The following TEX2 variants were observed in gnomAD, a reference collection of about 807,000 sequenced individuals.
TEX2 encodes the protein testis expressed 2, also known as testis-expressed protein 2.
A neutral mutation model predicts 106.9 loss-of-function variants in TEX2; 53 were observed. The observed-to-expected ratio is 0.50, with a 90% CI of 0.40 to 0.62. The LOEUF is 0.62. Among genes scored for constraint, TEX2 ranks in the 20% least tolerant of loss-of-function variants. The probability of loss-of-function intolerance (pLI) is 0.00; values close to 1 mark genes in which losing one functional copy is unlikely to be tolerated. For missense variants in TEX2, 1,207 were observed against 1,379.0 expected, an observed-to-expected ratio of 0.88 and a Z score of 1.98; for synonymous variants, 523 against 534.8, an observed-to-expected ratio of 0.98 and a Z score of 0.30.
At chr17:64,228,036 T>G (rs2033554539) in intron 1 of TEX2, among the ~76,000 whole-genome samples, 1 of 152,228 alleles carries the variant, frequency 6.6e-6, no homozygotes, top group African/African-American at 2.4e-5. Context: ...CTGCACATGA[T>G]GCTATAGATA....
intron 1 of TEX2, among the ~76,000 whole-genome samples, chr17:64,238,044 G>C (rs1343923246): frequency 6.6e-6 from 1 of 152,214 alleles, no homozygotes; most frequent in Non-Finnish European, 1.5e-5. Context: ...GTTCATGCCT[G>C]TAATCCTGAG....
At chr17:64,239,938 C>T (rs1281975783) in intron 1 of TEX2, among the ~76,000 whole-genome samples, 1 of 135,372 alleles carries the variant, frequency 7.4e-6, no homozygotes, top group Admixed American at 7.6e-5. Context: ...ATAATGTTAT[C>T]TGGTAAGTTC....
chr17:64,240,382 C>T (rs1367029717), intron 1 of TEX2, among the ~76,000 whole-genome samples: 5 of 152,106 alleles, frequency 3.3e-5, no homozygotes, highest in Non-Finnish European at 7.3e-5. Context: ...GGCTCAGACA[C>T]TGGGCAAGGT....
intron 2 of TEX2, among the ~76,000 whole-genome samples, chr17:64,209,259 T>C (rs1268541017): frequency 6.6e-6 from 1 of 152,240 alleles, no homozygotes; most frequent in East Asian, 1.9e-4. Flanking sequence ...TCAGTAAAAT[T>C]AACTAAGTCC....
At position 64,225,115 on chromosome 17, in the gene TEX2, A is replaced by C. The variant is rs542606187; in HGVS notation, c.-25-10873T>G. ...GGAATAACTTTTTTTTTTTTAAAGC[A>C]GAAAAGTCATCTATGTGTCTTAGAA... On this transcript the variant is annotated intron_variant, in intron 1 of 11. Transcript: ENST00000584379. Among the ~76,000 whole-genome samples, 17 of 152,088 alleles carry C rather than the reference A, an allele frequency of 1.1e-4. No homozygotes were observed. The East Asian group carries it at 3.3e-3, about 29-fold the overall frequency.
In TEX2 at chr17:64,148,944, T is replaced by C. The variant is rs762094685; in HGVS notation, c.*25A>G. 10 of 1,613,662 alleles carry C rather than the reference T, an allele frequency of 6.2e-6. No homozygotes were observed. The highest frequency in any genetic ancestry group is 1.7e-4 in the Middle Eastern group (1 of 5,968). On this transcript the variant is annotated 3_prime_UTR_variant, in exon 12 of 12. Transcript: ENST00000584379. ...CCACACATCCAGCTCGATGTCACAA[T>C]ATGGGGAACATCTGACATCACCCAT...
chr17:64,231,173 C>T (rs1555634568), intron 1 of TEX2, among the ~76,000 whole-genome samples: 1 of 152,228 alleles, frequency 6.6e-6, no homozygotes, highest in African/African-American at 2.4e-5. Context: ...CTATCTTTCC[C>T]CCACCTACTG....
chr17:64,171,565 T>C (rs1598136052), intron 6 of TEX2, among the ~76,000 whole-genome samples: 1 of 151,038 alleles, frequency 6.6e-6, no homozygotes, highest in Admixed American at 6.6e-5. Context: ...CCCTGAGGAG[T>C]GGCATTTGAG....
chr17:64,171,278 G>A (rs941208716), intron 6 of TEX2, 79 bp from the exon 7 acceptor site: 5 of 1,249,058 alleles, frequency 4.0e-6, no homozygotes, highest in Non-Finnish European at 3.5e-6. Flanking sequence ...CATGCTTCCG[G>A]AGAGGATGGT....
chr17:64,165,029 C>T (rs1371366980), intron 7 of TEX2, among the ~76,000 whole-genome samples: 2 of 152,202 alleles, frequency 1.3e-5, no homozygotes, highest in Non-Finnish European at 2.9e-5. Context: ...TGAACTTGGT[C>T]CTCACGTTAT....
intron 1 of TEX2, among the ~76,000 whole-genome samples, chr17:64,258,228 A>G (rs2034221895): frequency 6.6e-6 from 1 of 152,158 alleles, no homozygotes; most frequent in Non-Finnish European, 1.5e-5. Flanking sequence ...TTCTATTTTT[A>G]TTAGTTATAT....
intron 6 of TEX2, 45 bp downstream of exon 6, chr17:64,177,280 G>A: frequency 1.2e-6 from 2 of 1,603,036 alleles, no homozygotes; most frequent in Non-Finnish European, 1.7e-6. Context: ...TTCCAGAAAT[G>A]AAGAAGTATA....
intron 5 of TEX2, among the ~76,000 whole-genome samples, chr17:64,184,240 C>T (rs1172321824): frequency 6.6e-6 from 1 of 152,000 alleles, no homozygotes; most frequent in East Asian, 1.9e-4. Context: ...GGACTGCAGG[C>T]ACATGCCACT....
intron 1 of TEX2, among the ~76,000 whole-genome samples, chr17:64,228,814 G>C (rs1044338903): frequency 9.9e-5 from 15 of 152,062 alleles, no homozygotes; most frequent in Non-Finnish European, 1.5e-5. Flanking sequence ...CACAAATAAA[G>C]TTGTTTTTGT....
intron 6 of TEX2, among the ~76,000 whole-genome samples, chr17:64,172,997 A>G (rs2031474085): frequency 6.6e-6 from 1 of 152,238 alleles, no homozygotes; most frequent in Admixed American, 6.5e-5. Context: ...TATTCCATTC[A>G]TAATTTTAAT....
rs963249759 is a variant in TEX2, at chr17:64,230,144, T to C, written c.-25-15902A>G. On this transcript the variant is annotated intron_variant, in intron 1 of 11. Coordinates refer to ENST00000584379, the MANE Select transcript of TEX2 (RefSeq NM_001288732.2). ...ATGTGTGCACATGTGTATGTGCATG[T>C]ATGTGTGCACACATGTGTGTGTAGG... 2.6e-5 allele frequency among the ~76,000 whole-genome samples: 4 copies of C among 152,250 alleles called. No individual in the cohort carries two copies. The East Asian group carries it at 7.7e-4, about 29-fold the overall frequency.
At chr17:64,258,893 G>A (rs1407795466) in intron 1 of TEX2, among the ~76,000 whole-genome samples, 1 of 152,036 alleles carries the variant, frequency 6.6e-6, no homozygotes, top group African/African-American at 2.4e-5. Flanking sequence ...AAGTAGCTGG[G>A]ACTACAGGCA....
Position 64,153,154 on chromosome 17 carries a change from C to T in TEX2, c.2931G>A (p.Gly977=). 4.3e-6 allele frequency: 7 copies of T among 1,610,428 alleles called. No homozygotes were observed. Among genetic ancestry groups the T allele is most frequent in the Non-Finnish European group, 5.9e-6 (7 of 1,177,428 alleles). The change falls in exon 10 of 12, where the codon GGG becomes GGA. Residue 977 remains glycine, a splice_region_variant and synonymous_variant. Coordinates refer to ENST00000584379, the MANE Select transcript of TEX2 (RefSeq NM_001288732.2). This position sits in a 1 kb window ranked among gnomAD's most constrained non-coding sequence, Gnocchi z 4.1. ...TACTTGTTCGATGACCTCCAACGTA[C>T]CTTCAAATGTGGAACACAAAGGGCG... is the stretch of plus-strand genomic sequence containing the variant. ...GDKQLLPGAE[G]YVGGHRTSKI... is the part of the protein sequence containing the mutation.
At chr17:64,262,002 T>C (rs1339301067) in intron 1 of TEX2, among the ~76,000 whole-genome samples, 1 of 152,252 alleles carries the variant, frequency 6.6e-6, no homozygotes, top group Admixed American at 6.5e-5. Flanking sequence ...TTTTTCCTTA[T>C]TGTTTTCCAT....
Sources: allele counts gnomAD v4.1 joint callset (sites outside exome capture counted in the v4.1 genomes callset), GRCh38; gene constraint gnomAD v4.1.1; non-coding constraint Gnocchi (gnomAD v3.1); transcripts MANE v1.5; gene names NCBI Gene and HGNC (gene_info 2026-07-23, HGNC 2026-07-21).